The following KRCC1 variants were observed in gnomAD, a reference collection of about 807,000 sequenced individuals.
KRCC1 encodes the protein lysine-rich coiled-coil protein 1.
A neutral mutation model predicts 7.4 loss-of-function variants in KRCC1; 3 were observed. That is an observed-to-expected ratio of 0.40 (90% CI 0.18 to 1.04). The LOEUF is 1.04. KRCC1 is among the 50% of genes least tolerant of loss of function. The probability of loss-of-function intolerance (pLI) is 0.33; values close to 1 mark genes in which losing one functional copy is unlikely to be tolerated. For synonymous variants in KRCC1, 102 were observed against 101.6 expected, an observed-to-expected ratio of 1.00 and a Z score of -0.02; for missense variants, 277 against 300.9, an observed-to-expected ratio of 0.92 and a Z score of 0.59.
At chr2:88,040,336 CT>C (rs753291415) in intron 1 of KRCC1, among the ~76,000 whole-genome samples, 1 of 152,158 alleles carries the variant, frequency 6.6e-6, no homozygotes, top group East Asian at 1.9e-4. Flanking sequence ...ATTTTCAAAG[CT>C]ATTCTTTCAT....
chr2:88,038,587 C>A (rs1171550457), intron 1 of KRCC1, among the ~76,000 whole-genome samples: 1 of 152,126 alleles, frequency 6.6e-6, no homozygotes, highest in Non-Finnish European at 1.5e-5. Flanking sequence ...TTGGTCTGTT[C>A]TTACACTGTT....
intron 1 of KRCC1, among the ~76,000 whole-genome samples, chr2:88,039,445 G>T (rs1409954577): frequency 6.6e-6 from 1 of 152,142 alleles, no homozygotes; most frequent in African/African-American, 2.4e-5. Context: ...CCAGCATTTT[G>T]GGAGGCAGAG....
At chr2:88,051,417 T>C (rs1349474231) in intron 1 of KRCC1, among the ~76,000 whole-genome samples, 3 of 152,196 alleles carry the variant, frequency 2.0e-5, no homozygotes. Flanking sequence ...TTTGATACCT[T>C]TGGAGGAATC....
intron 1 of KRCC1, among the ~76,000 whole-genome samples, chr2:88,049,062 T>G (rs2104625969): frequency 6.6e-6 from 1 of 152,364 alleles, no homozygotes; most frequent in Non-Finnish European, 1.5e-5. Context: ...TTTGCCATGT[T>G]CTAGCTACTT....
rs147744456 is a variant in KRCC1 at position 88,038,529 on chromosome 2, A to G, written c.-290-1478T>C. Reference sequence around the variant, plus strand: ...TGAATCTTACTTAGAAACCTTAACTATTTATTCTGGGCCAGAGATACATGT... The same window carrying G: ...TGAATCTTACTTAGAAACCTTAACTGTTTATTCTGGGCCAGAGATACATGT... On this transcript the variant is annotated intron_variant, in intron 1 of 3. Transcript: ENST00000347055. Among the ~76,000 whole-genome samples, 563 of 152,304 alleles carry G rather than the reference A, an allele frequency of 3.7e-3. 2 individuals carry two copies. The highest frequency in any genetic ancestry group is 0.013 in the African/African-American group (535 of 41,568).
Position 88,045,592 on chromosome 2 carries a change from GCATA to G in KRCC1, c.-290-8545_-290-8542del, listed in dbSNP as rs201017532. On this transcript the variant is annotated intron_variant, in intron 1 of 3. Transcript: ENST00000347055. ...AGAGGGGCGAATGGATTGTAAAGGG[GCATA>G]AGTACTTTTGGGGTTGATGGAAATG... Among the ~76,000 whole-genome samples the G allele has an allele frequency of 8.9e-3, 1,360 of 152,240 alleles. 26 individuals are homozygous for G. Among genetic ancestry groups the G allele is most frequent in the East Asian group, 0.084 (437 of 5,182 alleles).
chr2:88,028,644 C>CTTTTTTTTTTT lies in KRCC1; in HGVS notation c.-22-70_-22-60dup, dbSNP rs35917852. On this transcript the variant is annotated intron_variant, in intron 3 of 3. Coordinates refer to ENST00000347055, the MANE Select transcript of KRCC1 (RefSeq NM_016618.3). ...TCTTGTCCTGAGCATTTCCTTTGCT[C>CTTTTTTTTTTT]TTTTTTTTTTTTTTTTTTTTCTTGA... The CTTTTTTTTTTT allele has an allele frequency of 1.4e-5, 7 of 503,402 alleles. 1 individual carries two copies. The highest frequency in any genetic ancestry group is 4.6e-5 in the African/African-American group (2 of 43,504). 31.2% of individuals were successfully genotyped at this position (503,402 alleles called of 1,614,324 possible).
In KRCC1 at chr2:88,027,743, A is replaced by AT. The variant is rs369544089; in HGVS notation, c.*40dup. 7 of 1,525,356 alleles carry AT rather than the reference A, an allele frequency of 4.6e-6. No homozygotes were observed. In the African/African-American group the frequency reaches 9.8e-5, roughly 21 times the overall value. 94.5% of individuals were successfully genotyped at this position (1,525,356 alleles called of 1,614,324 possible). The stretch of plus-strand genomic sequence containing the variant: ...ATATCATAAAACCAAGCTCTCACCT[A>AT]TTTTTTCAATTTAACTTTGGGAGAA... On this transcript the variant is annotated 3_prime_UTR_variant, in exon 4 of 4. Transcript: ENST00000347055.
chr2:88,039,850 T>G (rs898539398), intron 1 of KRCC1, among the ~76,000 whole-genome samples: 7 of 152,064 alleles, frequency 4.6e-5, no homozygotes, highest in African/African-American at 1.4e-4. Flanking sequence ...ACTGACATGG[T>G]GATGTGATGG....
intron 1 of KRCC1, among the ~76,000 whole-genome samples, chr2:88,045,932 G>A (rs1223270855): frequency 2.6e-5 from 4 of 152,014 alleles, no homozygotes; most frequent in Admixed American, 2.0e-4. Context: ...CACCCACCTC[G>A]GCCTCCCAAA....
At chr2:88,029,171 T>C (rs1476753898) in intron 3 of KRCC1, among the ~76,000 whole-genome samples, 2 of 152,044 alleles carry the variant, frequency 1.3e-5, no homozygotes, top group South Asian at 2.1e-4. Context: ...AGGGCTAAAA[T>C]GTGAGATAAG....
At position 88,028,474 on chromosome 2, in the gene KRCC1, C is replaced by A. The variant is rs149394131; in HGVS notation, c.90G>T (p.Lys30Asn). 2 of 1,613,740 alleles carry A rather than the reference C, an allele frequency of 1.2e-6. No individual in the cohort carries two copies. Among genetic ancestry groups the A allele is most frequent in the African/African-American group, 2.7e-5 (2 of 74,896 alleles). ...KVQKARGLEP[K>N]TCFRKMKGDY... is the part of the protein sequence containing the mutation. ...CCCCTTTCATCTTTCTGAAACAAGTCTTTGGCTCTAAGCCTCTGGCTTTCT... is the reference window on the plus strand; with the variant it reads ...CCCCTTTCATCTTTCTGAAACAAGTATTTGGCTCTAAGCCTCTGGCTTTCT... The change falls in exon 4 of 4, where the codon AAG becomes AAT. Residue 30 changes from lysine to asparagine, a missense_variant. Coordinates refer to ENST00000347055, the MANE Select transcript of KRCC1 (RefSeq NM_016618.3).
At chr2:88,050,875 T>G (rs1305278700) in intron 1 of KRCC1, among the ~76,000 whole-genome samples, 1 of 151,990 alleles carries the variant, frequency 6.6e-6, no homozygotes, top group Non-Finnish European at 1.5e-5. Flanking sequence ...TGATTAATTT[T>G]TTCCATTTCC....
At chr2:88,050,210 T>C (rs1057275290) in intron 1 of KRCC1, among the ~76,000 whole-genome samples, 4 of 152,228 alleles carry the variant, frequency 2.6e-5, no homozygotes, top group Non-Finnish European at 5.9e-5. Flanking sequence ...CCGCTTAATA[T>C]CATGGAAACA....
chr2:88,032,314 T>C (rs1673010441), intron 3 of KRCC1, among the ~76,000 whole-genome samples: 2 of 152,108 alleles, frequency 1.3e-5, no homozygotes, highest in South Asian at 4.1e-4. Context: ...CACACAAGTG[T>C]ACTATTTTTT....
chr2:88,050,301 C>A (rs1412442784), intron 1 of KRCC1, among the ~76,000 whole-genome samples: 2 of 152,172 alleles, frequency 1.3e-5, no homozygotes, highest in African/African-American at 4.8e-5. Flanking sequence ...CACTCCAAAA[C>A]CGAGTCAATT....
intron 3 of KRCC1, among the ~76,000 whole-genome samples, chr2:88,030,111 G>A (rs571555511): frequency 1.3e-5 from 2 of 151,014 alleles, no homozygotes; most frequent in African/African-American, 4.9e-5. Context: ...GCCTCCCAAA[G>A]TGCTGGGATT....
At chr2:88,032,523 A>G (rs923603262) in intron 3 of KRCC1, among the ~76,000 whole-genome samples, 6 of 152,166 alleles carry the variant, frequency 3.9e-5, no homozygotes, top group South Asian at 4.1e-4. Context: ...TGTTTGCCCA[A>G]TGAGAAAATC....
intron 1 of KRCC1, among the ~76,000 whole-genome samples, chr2:88,038,315 G>A (rs1204362266): frequency 6.6e-6 from 1 of 152,196 alleles, no homozygotes; most frequent in Non-Finnish European, 1.5e-5. Context: ...TATTTGCTGG[G>A]AGGAAGACAT....
Sources: gnomAD v4.1 joint callset for allele counts (sites outside exome capture counted in the v4.1 genomes callset) on GRCh38, gnomAD v4.1.1 for gene constraint, MANE v1.5 for transcripts, NCBI Gene and HGNC (gene_info 2026-07-23, HGNC 2026-07-21) for gene names.